ABCA13: variants seen among roughly 807,000 people sequenced by gnomAD.
The protein encoded by ABCA13 is ATP binding cassette subfamily A member 13.
A neutral mutation model predicts 478.7 loss-of-function variants in ABCA13; 476 were observed. The observed-to-expected ratio is 0.99, with a 90% CI of 0.92 to 1.07. The LOEUF is 1.07. ABCA13 is among the 50% of genes least tolerant of loss of function. The pLI, the probability that ABCA13 is intolerant of heterozygous loss-of-function variation, is 0.00. For synonymous variants in ABCA13, 2,252 were observed against 2,158.9 expected (o/e 1.04, Z -1.20); for missense variants, 6,060 against 5,910.6 (o/e 1.03, Z -0.83).
intron 44 of ABCA13, 21 bp downstream of exon 44, chr7:48,467,066 G>A: frequency 6.2e-7 from 1 of 1,607,812 alleles, no homozygotes; most frequent in Admixed American, 1.7e-5. Context: ...GGTGCTCTCT[G>A]CAAAAGTGAA....
intron 1 of ABCA13, among the ~76,000 whole-genome samples, chr7:48,172,464 T>C (rs1794221344): frequency 6.6e-6 from 1 of 152,208 alleles, no homozygotes. Context: ...TTATGTGATC[T>C]TTAGGATCAA....
intron 48 of ABCA13, among the ~76,000 whole-genome samples, chr7:48,504,170 A>G (rs1831002772): frequency 6.6e-6 from 1 of 152,200 alleles, no homozygotes; most frequent in Non-Finnish European, 1.5e-5. Flanking sequence ...GCCTGCAGCC[A>G]TAGAGTTTGG....
intron 45 of ABCA13, among the ~76,000 whole-genome samples, chr7:48,476,490 G>A (rs1263867430): frequency 1.3e-5 from 2 of 150,942 alleles, no homozygotes; most frequent in Non-Finnish European, 3.0e-5. Context: ...TAAAGAAAGG[G>A]TTTGGAATGC....
In ABCA13 at chr7:48,196,783, G is replaced by A. The variant is rs936170409; in HGVS notation, c.164-1454G>A. Among the ~76,000 whole-genome samples the A allele has an allele frequency of 3.9e-5, 6 of 152,112 alleles. No individual in the cohort carries two copies. In the South Asian group the frequency reaches 6.2e-4, roughly 16 times the overall value. ...GAGATAGAGGGGACACAGAAGTCAC[G>A]TCAAGGAAATGCACTATCTGGGCAC... On this transcript the variant is annotated intron_variant, in intron 2 of 61. Coordinates refer to ENST00000435803, the MANE Select transcript of ABCA13 (RefSeq NM_152701.5).
intron 55 of ABCA13, among the ~76,000 whole-genome samples, chr7:48,543,174 A>T (rs1000786539): frequency 3.3e-5 from 5 of 151,786 alleles, no homozygotes; most frequent in African/African-American, 9.7e-5. Flanking sequence ...TTACAGTAGA[A>T]AATACAGATA....
intron 58 of ABCA13, among the ~76,000 whole-genome samples, chr7:48,610,835 A>G (rs1191362432): frequency 1.3e-5 from 2 of 152,180 alleles, no homozygotes; most frequent in African/African-American, 4.8e-5. Context: ...AGCAGCTGCA[A>G]CACAGTGAGC....
chr7:48,471,706 C>G, intron 45 of ABCA13, 107 bp downstream of exon 45: 2 of 1,078,440 alleles, frequency 1.9e-6, no homozygotes, highest in Non-Finnish European at 2.7e-6. Context: ...GTCTTTATAA[C>G]TTTTTGGTTT....
At chr7:48,428,072 G>A (rs1248750564) in intron 42 of ABCA13, among the ~76,000 whole-genome samples, 2 of 151,406 alleles carry the variant, frequency 1.3e-5, no homozygotes, top group Non-Finnish European at 3.0e-5. Context: ...AAAAAACTGT[G>A]TGTTTATGGG....
intron 45 of ABCA13, among the ~76,000 whole-genome samples, chr7:48,478,502 C>A (rs1340868480): frequency 2.6e-5 from 4 of 151,918 alleles, no homozygotes; most frequent in Non-Finnish European, 5.9e-5. Flanking sequence ...GGGAGAATTA[C>A]AGAGTGATTA....
At chr7:48,594,153 C>T (rs917352912) in intron 57 of ABCA13, among the ~76,000 whole-genome samples, 1 of 152,008 alleles carries the variant, frequency 6.6e-6, no homozygotes. Context: ...TTCTGCTGCC[C>T]CTTTTTCTCA....
intron 15 of ABCA13, among the ~76,000 whole-genome samples, chr7:48,255,516 G>C (rs1047021276): frequency 6.6e-6 from 1 of 151,858 alleles, no homozygotes. Context: ...ATATTTATAT[G>C]TACACCATAT....
intron 58 of ABCA13, among the ~76,000 whole-genome samples, chr7:48,600,280 C>G (rs575569347): frequency 6.6e-6 from 1 of 150,398 alleles, no homozygotes; most frequent in African/African-American, 2.4e-5. Context: ...TTTTCATATT[C>G]TTTTACTTTC....
intron 58 of ABCA13, among the ~76,000 whole-genome samples, chr7:48,609,520 C>T (rs1043277867): frequency 6.6e-6 from 1 of 151,988 alleles, no homozygotes; most frequent in Non-Finnish European, 1.5e-5. Context: ...CCCAGGGAAT[C>T]TTGGTAAAGC....
intron 59 of ABCA13, among the ~76,000 whole-genome samples, chr7:48,631,693 T>A (rs919596631): frequency 7.2e-5 from 11 of 152,084 alleles, no homozygotes; most frequent in African/African-American, 2.4e-4. Flanking sequence ...AGTTTTTTTT[T>A]AATTCTATGA....
intron 59 of ABCA13, among the ~76,000 whole-genome samples, chr7:48,618,742 C>T (rs528893114): frequency 6.6e-6 from 1 of 152,172 alleles, no homozygotes; most frequent in African/African-American, 2.4e-5. Context: ...AGTACCTGTG[C>T]CTGGGGTGAC....
intron 41 of ABCA13, among the ~76,000 whole-genome samples, chr7:48,413,011 C>A (rs2129099343): frequency 6.6e-6 from 1 of 151,784 alleles, no homozygotes; most frequent in East Asian, 2.0e-4. Context: ...TGGGGTTTCA[C>A]CATGTTAGCC....
At chr7:48,302,079 G>A (rs141683895) in intron 23 of ABCA13, among the ~76,000 whole-genome samples, 2 of 152,320 alleles carry the variant, frequency 1.3e-5, no homozygotes, top group South Asian at 4.1e-4. Flanking sequence ...ATGTGATGCT[G>A]TGGAAGTCAC....
chr7:48,222,025 T>C (rs1044700170), intron 5 of ABCA13, among the ~76,000 whole-genome samples: 6 of 152,226 alleles, frequency 3.9e-5, no homozygotes, highest in South Asian at 4.1e-4. Flanking sequence ...TGTATCTGTT[T>C]AATTCTAAGA....
chr7:48,174,767 G>T (rs1034005464), intron 1 of ABCA13, among the ~76,000 whole-genome samples: 4 of 152,106 alleles, frequency 2.6e-5, no homozygotes, highest in Admixed American at 6.5e-5. Flanking sequence ...CGTAATTAAA[G>T]TCATAGCTTT....
Sources: allele counts gnomAD v4.1 joint callset (sites outside exome capture counted in the v4.1 genomes callset), GRCh38; gene constraint gnomAD v4.1.1; transcripts MANE v1.5; gene names NCBI Gene and HGNC (gene_info 2026-07-23, HGNC 2026-07-21).